Variants in LAMB1 observed in about 807,000 individuals in gnomAD.
The protein encoded by LAMB1 is laminin subunit beta 1, also known as laminin subunit beta-1.
In LAMB1, 121 loss-of-function variants were observed where a neutral mutation model predicts 222.3. The ratio of observed to expected loss-of-function variants is 0.54; its 90% CI spans 0.47 to 0.63. The LOEUF (loss-of-function observed/expected upper bound fraction) is 0.63. Among genes scored for constraint, LAMB1 ranks in the 30% least tolerant of loss-of-function variants. The pLI is 0.00. For synonymous variants in LAMB1, 794 were observed against 807.2 expected (o/e 0.98, Z 0.28); for missense variants, 2,172 against 2,240.8 (o/e 0.97, Z 0.62).
At chr7:107,970,835 G>A (rs997590552) in intron 13 of LAMB1, among the ~76,000 whole-genome samples, 3 of 151,764 alleles carry the variant, frequency 2.0e-5, no homozygotes, top group South Asian at 2.1e-4. Context: ...AGGTTCAAGC[G>A]ATTCTCCCTG....
intron 13 of LAMB1, among the ~76,000 whole-genome samples, chr7:107,967,804 G>T (rs1172860539): frequency 6.6e-6 from 1 of 152,062 alleles, no homozygotes; most frequent in Non-Finnish European, 1.5e-5. Flanking sequence ...CAGTCTAATT[G>T]GGGATAAACA....
chr7:107,985,095 G>A (rs1420575863), intron 7 of LAMB1, among the ~76,000 whole-genome samples: 1 of 151,972 alleles, frequency 6.6e-6, no homozygotes, highest in African/African-American at 2.4e-5. Flanking sequence ...AATAAAATAA[G>A]GTATTATGAT....
intron 22 of LAMB1, 102 bp downstream of exon 22, chr7:107,953,428 G>T: frequency 1.1e-6 from 1 of 905,936 alleles, no homozygotes; most frequent in Non-Finnish European, 1.7e-6. Flanking sequence ...CTGAACAAGT[G>T]TTTTCCCAAG....
intron 5 of LAMB1, 74 bp from the exon 6 acceptor site, chr7:107,986,437 A>G: frequency 7.6e-7 from 1 of 1,310,352 alleles, no homozygotes; most frequent in East Asian, 2.4e-5. Context: ...TCAGGTAAAA[A>G]TGTCACTCAA....
intron 14 of LAMB1, 103 bp from the exon 15 acceptor site, chr7:107,963,166 G>A (rs2033549990): frequency 4.7e-6 from 5 of 1,065,002 alleles, no homozygotes; most frequent in Admixed American, 2.4e-5. Flanking sequence ...AAAAAGGGTG[G>A]CTACCTTATG....
In LAMB1 at chr7:107,929,437, A is replaced by C. The variant is rs2032652449; in HGVS notation, c.4720T>G (p.Leu1574Val). 1 of 1,614,110 alleles carries C rather than the reference A, an allele frequency of 6.2e-7. No homozygotes were observed. Among genetic ancestry groups the C allele is most frequent in the Non-Finnish European group, 8.5e-7 (1 of 1,180,012 alleles). The stretch of plus-strand genomic sequence containing the variant: ...CTTGCTCTTTTAGCTTCTTCTAACA[A>C]CATCTCAGCTCTGGCAATGTCAGCA... The part of the protein sequence containing the change: ...SAADIARAEM[L>V]LEEAKRASKS... The change falls in exon 30 of 34, where the codon TTG becomes GTG. Residue 1574 changes from leucine to valine, a missense_variant. By Grantham distance (32) the Leu-to-Val change is conservative (BLOSUM62 1). Transcript: ENST00000222399.
Position 107,961,224 on chromosome 7 carries a change from G to A in LAMB1, c.2091C>T (p.Pro697=). Residue 697 remains proline (P), a synonymous_variant, in exon 17 of 34, where the codon CCC becomes CCT. Coordinates refer to ENST00000222399, the MANE Select transcript of LAMB1 (RefSeq NM_002291.3). ...YTSSDSDVES[P]YTLIDSLVLM... is the part of the protein sequence containing the mutation. Reference sequence around the variant, plus strand: ...CACTTACAGAATCGATCAGCGTGTAGGGGCTCTCCACGTCGCTATCAGAGG... The same window carrying A: ...CACTTACAGAATCGATCAGCGTGTAAGGGCTCTCCACGTCGCTATCAGAGG... The A allele has an allele frequency of 1.9e-6, 3 of 1,614,106 alleles. No individual in the cohort carries two copies. Among genetic ancestry groups the A allele is most frequent in the Non-Finnish European group, 2.5e-6 (3 of 1,180,020 alleles).
intron 24 of LAMB1, among the ~76,000 whole-genome samples, chr7:107,943,056 G>A (rs2116364663): frequency 6.6e-6 from 1 of 152,208 alleles, no homozygotes. Context: ...CATTTTTCTT[G>A]TTTGGGGAAT....
intron 9 of LAMB1, 114 bp from the exon 10 acceptor site, chr7:107,975,991 A>C (rs1444241308): frequency 1.3e-5 from 11 of 845,958 alleles, no homozygotes; most frequent in Non-Finnish European, 2.0e-5. Context: ...ACAAAATGGC[A>C]GTCAACAAGC....
chr7:107,998,284 C>A, intron 4 of LAMB1, 73 bp downstream of exon 4: 2 of 1,480,318 alleles, frequency 1.4e-6, no homozygotes, highest in Non-Finnish European at 9.4e-7. Context: ...ATTACAAACA[C>A]CCAGGAACCT....
At chr7:107,930,839 C>T (rs748595455) in intron 29 of LAMB1, among the ~76,000 whole-genome samples, 6 of 152,198 alleles carry the variant, frequency 3.9e-5, no homozygotes, top group Non-Finnish European at 7.4e-5. Context: ...TATCCTGCTA[C>T]TGGATATCTT....
chr7:107,936,580 C>A (rs1159642327), intron 26 of LAMB1, among the ~76,000 whole-genome samples: 2 of 152,032 alleles, frequency 1.3e-5, no homozygotes, highest in Non-Finnish European at 2.9e-5. Context: ...TAGCTTTAGT[C>A]CAAAAGCAAT....
Position 107,994,980 on chromosome 7 carries a change from AAT to A in LAMB1, c.350-22_350-21del. The A allele has an allele frequency of 7.5e-7, 1 of 1,340,134 alleles. No homozygotes were observed. Among genetic ancestry groups the A allele is most frequent in the Non-Finnish European group, 1.1e-6 (1 of 941,692 alleles). 83.0% of individuals were successfully genotyped at this position (1,340,134 alleles called of 1,614,324 possible). A position where few individuals can be genotyped will look rare whatever the true frequency, so the allele number is the denominator to read the frequency against. On this transcript the variant is annotated intron_variant, in intron 4 of 33. Transcript: ENST00000222399. Reference sequence around the variant, plus strand: ...CCACACCTACAGGAGATTTAAAAAAAATAAAACAATAAATGAAACTGTAAATA... The same window carrying A: ...CCACACCTACAGGAGATTTAAAAAAAAAAACAATAAATGAAACTGTAAATA...
chr7:107,968,774 G>A (rs2150434535), intron 13 of LAMB1, among the ~76,000 whole-genome samples: 1 of 152,322 alleles, frequency 6.6e-6, no homozygotes, highest in Non-Finnish European at 1.5e-5. Flanking sequence ...ACCCAAATTA[G>A]CTGGAAACAG....
intron 13 of LAMB1, among the ~76,000 whole-genome samples, chr7:107,972,207 A>T (rs1334393152): frequency 6.6e-6 from 1 of 152,198 alleles, no homozygotes; most frequent in African/African-American, 2.4e-5. Flanking sequence ...GCTGCTGAAT[A>T]CCTCATTCCT....
At chr7:107,926,146 TAAC>T (rs779652647) in intron 32 of LAMB1, 34 bp downstream of exon 32, 2 of 1,575,908 alleles carry the variant, frequency 1.3e-6, no homozygotes, top group South Asian at 2.2e-5. Flanking sequence ...GTGGCTCCTT[TAAC>T]AACATAGCTC....
chr7:107,975,813 C>A lies in LAMB1; in HGVS notation c.1065G>T (p.Gly355=). ...HFDMAVYLAT[G]NVSGGVCDDC... is the part of the protein sequence containing the mutation. ...CATCACACACGCCTCCGCTGACGTT[C>A]CCCGTGGCCAGGTAAACAGCCATGT... is the stretch of plus-strand genomic sequence containing the variant. The change falls in exon 10 of 34, where the codon GGG becomes GGT. Residue 355 remains glycine, a synonymous_variant. Transcript: ENST00000222399. 1 of 1,614,042 alleles carries A rather than the reference C, an allele frequency of 6.2e-7. No individual in the cohort carries two copies. The highest frequency in any genetic ancestry group is 8.5e-7 in the Non-Finnish European group (1 of 1,180,022).
chr7:107,977,582 G>A (rs918144339), intron 9 of LAMB1, among the ~76,000 whole-genome samples: 4 of 152,084 alleles, frequency 2.6e-5, no homozygotes, highest in African/African-American at 9.7e-5. Context: ...GAGGTCAGGA[G>A]TTCAAGACCA....
intron 24 of LAMB1, among the ~76,000 whole-genome samples, chr7:107,947,547 G>A (rs968761608): frequency 6.6e-6 from 1 of 152,168 alleles, no homozygotes; most frequent in Non-Finnish European, 1.5e-5. Context: ...ATAACCAAGA[G>A]CCTTGTCTGC....
Sources: allele counts gnomAD v4.1 joint callset (sites outside exome capture counted in the v4.1 genomes callset), GRCh38; gene constraint gnomAD v4.1.1; transcripts MANE v1.5; gene names NCBI Gene and HGNC (gene_info 2026-07-23, HGNC 2026-07-21).